Variants in PPHLN1 observed in about 807,000 individuals in gnomAD.
PPHLN1 encodes periphilin 1.
Under a neutral mutation model 51.3 loss-of-function variants are expected in PPHLN1, and 29 were observed. The ratio of observed to expected loss-of-function variants is 0.57; its 90% confidence interval spans 0.42 to 0.77. PPHLN1 has a LOEUF of 0.77. Among genes scored for constraint, PPHLN1 ranks in the 30% least tolerant of loss-of-function variants. The pLI is 0.00. For synonymous variants in PPHLN1, 147 were observed against 147.8 expected, an observed-to-expected ratio of 0.99 and a Z score of 0.04; for missense variants, 436 against 438.4, an observed-to-expected ratio of 0.99 and a Z score of 0.05.
In PPHLN1 at chr12:42,422,100, C is replaced by T. The variant is rs73124488; in HGVS notation, c.910-19215C>T. 8.4e-3 allele frequency among the ~76,000 whole-genome samples: 1,280 copies of T among 152,172 alleles called. 8 individuals carry two copies. The highest frequency in any genetic ancestry group is 0.012 in the Non-Finnish European group (820 of 68,006). ...GGGTCAGATTTCAGCACTAATGGTACCTCTAAAGGCATGTAATCATCCCTT... is the reference window on the plus strand; with the variant it reads ...GGGTCAGATTTCAGCACTAATGGTATCTCTAAAGGCATGTAATCATCCCTT... On this transcript the variant is annotated intron_variant, in intron 9 of 9. Transcript: ENST00000358314.
intron 9 of PPHLN1, among the ~76,000 whole-genome samples, chr12:42,435,008 A>G (rs555678118): frequency 6.6e-6 from 1 of 152,348 alleles, no homozygotes; most frequent in South Asian, 2.1e-4. Context: ...TAGGTCTTAC[A>G]TTTAAATTTT....
intron 4 of PPHLN1, among the ~76,000 whole-genome samples, chr12:42,357,483 G>A (rs1251384734): frequency 6.6e-6 from 1 of 152,146 alleles, no homozygotes; most frequent in Non-Finnish European, 1.5e-5. Context: ...GGGTACAGTA[G>A]CAGTGGCATT....
intron 4 of PPHLN1, among the ~76,000 whole-genome samples, chr12:42,365,486 A>C (rs540675284): frequency 6.6e-6 from 1 of 152,070 alleles, no homozygotes; most frequent in Non-Finnish European, 1.5e-5. Context: ...GTCTGCTGAC[A>C]CTGAGGGTTC....
At chr12:42,393,394 C>A (rs568597051) in intron 7 of PPHLN1, among the ~76,000 whole-genome samples, 176 bp from the exon 8 acceptor site, 5 of 152,026 alleles carry the variant, frequency 3.3e-5, no homozygotes, top group African/African-American at 1.2e-4. Flanking sequence ...AAAGGAATTG[C>A]TACTTAAAGT....
chr12:42,437,922 G>A (rs1393981495), intron 9 of PPHLN1, among the ~76,000 whole-genome samples: 1 of 152,060 alleles, frequency 6.6e-6, no homozygotes, highest in African/African-American at 2.4e-5. Flanking sequence ...TAACCAGAAT[G>A]TCATATAGTT....
At chr12:42,364,205 CAA>C (rs1820913447) in intron 4 of PPHLN1, among the ~76,000 whole-genome samples, 1 of 152,078 alleles carries the variant, frequency 6.6e-6, no homozygotes, top group African/African-American at 2.4e-5. Flanking sequence ...GCTTGGGCAA[CAA>C]GAGCAAAACT....
chr12:42,338,114 A>G (rs2070964262), intron 2 of PPHLN1, among the ~76,000 whole-genome samples: 1 of 152,122 alleles, frequency 6.6e-6, no homozygotes, highest in Non-Finnish European at 1.5e-5. Context: ...TTTAGTAGGG[A>G]CAGGGTTTTG....
At chr12:42,401,302 G>C (rs922524858) in intron 9 of PPHLN1, among the ~76,000 whole-genome samples, 11 of 152,140 alleles carry the variant, frequency 7.2e-5, no homozygotes, top group African/African-American at 2.7e-4. Flanking sequence ...TTATTTGGTA[G>C]ATAATAAATG....
chr12:42,382,762 C>A (rs1239677209), intron 5 of PPHLN1, among the ~76,000 whole-genome samples: 1 of 152,012 alleles, frequency 6.6e-6, no homozygotes, highest in Admixed American at 6.5e-5. Flanking sequence ...TGTAAGGGTG[C>A]AAACAGAAGT....
At chr12:42,436,377 G>A (rs2082484589) in intron 9 of PPHLN1, among the ~76,000 whole-genome samples, 2 of 152,074 alleles carry the variant, frequency 1.3e-5, no homozygotes, top group Admixed American at 1.3e-4. Flanking sequence ...GCCTCAGCTG[G>A]CATTACTGCT....
intron 9 of PPHLN1, chr12:42,431,570 C>T (rs2082038468): frequency 1.9e-5 from 12 of 617,392 alleles, no homozygotes; most frequent in Non-Finnish European, 3.5e-5. Flanking sequence ...AAGTGCGATG[C>T]AAAGACTGGC....
At chr12:42,359,410 T>C (rs1565817585) in intron 4 of PPHLN1, 1 of 152,216 alleles carries the variant, frequency 6.6e-6, no homozygotes, top group Non-Finnish European at 1.5e-5. Context: ...ATTTAACAAA[T>C]AACAAAACAT....
At chr12:42,415,203 G>A (rs1461084318) in intron 9 of PPHLN1, among the ~76,000 whole-genome samples, 1 of 152,104 alleles carries the variant, frequency 6.6e-6, no homozygotes, top group Admixed American at 6.6e-5. Context: ...ACGTAGTCTT[G>A]CTCTGTCGCC....
chr12:42,372,130 A>C (rs561575976), intron 4 of PPHLN1, among the ~76,000 whole-genome samples: 49 of 152,228 alleles, frequency 3.2e-4, no homozygotes, highest in African/African-American at 9.6e-4. Context: ...TACATTATAT[A>C]ATACACACAC....
At chr12:42,416,802 T>C (rs563664727) in intron 9 of PPHLN1, among the ~76,000 whole-genome samples, 2 of 152,338 alleles carry the variant, frequency 1.3e-5, no homozygotes, top group South Asian at 4.1e-4. Context: ...ATTATATAGA[T>C]TGTATTTTAC....
chr12:42,342,054 A>G (rs1236668925), intron 2 of PPHLN1, among the ~76,000 whole-genome samples: 1 of 152,214 alleles, frequency 6.6e-6, no homozygotes, highest in African/African-American at 2.4e-5. Context: ...GAGATTTTGT[A>G]TGTAAATATA....
chr12:42,396,615 C>CAAAAAAAAAA lies in PPHLN1; in HGVS notation c.769-2215_769-2206dup, dbSNP rs60131845. On this transcript the variant is annotated intron_variant, in intron 8 of 9. Transcript: ENST00000358314. ...GCAATGTAGTAAGGTCTTGTCACTA[C>CAAAAAAAAAA]AAAAAAAAAAAAAAAAAAAAAAAAA... 2.7e-3 allele frequency among the ~76,000 whole-genome samples: 231 copies of CAAAAAAAAAA among 85,412 alleles called. 22 individuals carry two copies. Among genetic ancestry groups the CAAAAAAAAAA allele is most frequent in the East Asian group, 9.5e-3 (22 of 2,316 alleles). The allele number at this position is 85,412 out of a possible 152,430, so 56.0% of individuals were successfully genotyped here. A position where few individuals can be genotyped will look rare whatever the true frequency, so the allele number is the denominator to read the frequency against.
At chr12:42,383,983 C>CAAAAAAAAAAAAAAAAAAAA (rs61016692) in intron 5 of PPHLN1, among the ~76,000 whole-genome samples, 2 of 51,642 alleles carry the variant, frequency 3.9e-5, no homozygotes, top group African/African-American at 5.8e-5. Flanking sequence ...GACTGTGTCT[C>CAAAAAAAAAAAAAAAAAAAA]AAAAAAAAAA....
intron 1 of PPHLN1, among the ~76,000 whole-genome samples, chr12:42,334,863 T>C (rs1463547216): frequency 1.3e-5 from 2 of 152,248 alleles, no homozygotes; most frequent in Non-Finnish European, 2.9e-5. Flanking sequence ...CTGCAAGCGC[T>C]AGCCTGTTTT....
Sources: gnomAD v4.1 joint callset for allele counts (sites outside exome capture counted in the v4.1 genomes callset) on GRCh38, gnomAD v4.1.1 for gene constraint, MANE v1.5 for transcripts, NCBI Gene and HGNC (gene_info 2026-07-23, HGNC 2026-07-21) for gene names.